The following STK3 variants were observed in gnomAD, a reference collection of about 807,000 sequenced individuals.
The protein encoded by STK3 is serine/threonine-protein kinase 3.
A neutral mutation model predicts 58.0 loss-of-function variants in STK3; 41 were observed. The ratio of observed to expected loss-of-function variants is 0.71; its 90% CI spans 0.55 to 0.92. The LOEUF (loss-of-function observed/expected upper bound fraction) is 0.92. Among genes scored for constraint, STK3 ranks in the 40% least tolerant of loss-of-function variants. The probability of loss-of-function intolerance (pLI) is 0.00; values close to 1 mark genes in which losing one functional copy is unlikely to be tolerated. For missense variants in STK3, 479 were observed against 602.7 expected, an observed-to-expected ratio of 0.79 and a Z score of 2.15; for synonymous variants, 170 against 191.0, an observed-to-expected ratio of 0.89 and a Z score of 0.91.
intron 1 of STK3, chr8:98,782,383 C>A: frequency 4.6e-6 from 1 of 219,156 alleles, no homozygotes; most frequent in Non-Finnish European, 9.5e-6. Context: ...TCTAAAAAGA[C>A]TGATCGCCAC....
At chr8:98,347,088 A>G in the STK3 span, among the ~76,000 whole-genome samples, 15 of 151,998 alleles carry the variant, frequency 9.9e-5, no homozygotes, top group Admixed American at 7.2e-4. Flanking sequence ...TAAAAATGCT[A>G]TAATATCACT....
intron 10 of STK3, among the ~76,000 whole-genome samples, chr8:98,491,205 G>A (rs970074110): frequency 8.0e-4 from 121 of 150,798 alleles, no homozygotes; most frequent in Admixed American, 2.1e-3. Context: ...GAGAGACAGA[G>A]AGAGAGAGAG....
At chr8:98,399,394 C>T (rs140620677), downstream of STK3, among the ~76,000 whole-genome samples, 365 of 152,324 alleles carry the variant, frequency 2.4e-3, 3 homozygotes, top group African/African-American at 8.3e-3. Context: ...TGATCCATAA[C>T]GTATTTCAAG....
intron 3 of STK3, among the ~76,000 whole-genome samples, chr8:98,877,959 C>A (rs1837618305): frequency 6.6e-6 from 1 of 152,092 alleles, no homozygotes; most frequent in South Asian, 2.1e-4. Flanking sequence ...AACAAAGAAA[C>A]CGGCCCCAGA....
chr8:98,741,238 A>C (rs1380439716), intron 4 of STK3, among the ~76,000 whole-genome samples: 4 of 152,256 alleles, frequency 2.6e-5, no homozygotes, highest in Non-Finnish European at 5.9e-5. Context: ...CTGTGTACCA[A>C]GTGGACCTAA....
At chr8:98,820,376 ACCTGCCCT>A in intron 1 of STK3, among the ~76,000 whole-genome samples, 1 of 152,346 alleles carries the variant, frequency 6.6e-6, no homozygotes, top group South Asian at 2.1e-4. Flanking sequence ...TTCAATGCTA[ACCTGCCCT>A]CCAACCATAC....
At chr8:98,367,423 A>G (rs988340629), downstream of STK3, among the ~76,000 whole-genome samples, 1 of 152,206 alleles carries the variant, frequency 6.6e-6, no homozygotes, top group African/African-American at 2.4e-5. Context: ...GGCTCCCAAG[A>G]GCAACAGGAA....
intron 4 of STK3, among the ~76,000 whole-genome samples, chr8:98,742,219 A>T (rs199519162): frequency 1.7e-4 from 26 of 152,034 alleles, no homozygotes; most frequent in African/African-American, 1.9e-4. Context: ...GAATTCTCCC[A>T]AACTCATTTT....
chr8:98,638,779 C>A (rs1038730781), intron 6 of STK3, among the ~76,000 whole-genome samples: 3 of 152,040 alleles, frequency 2.0e-5, no homozygotes, highest in Non-Finnish European at 4.4e-5. Flanking sequence ...AGCATGAGAA[C>A]AGTATTAAGA....
intron 1 of STK3, among the ~76,000 whole-genome samples, chr8:98,387,116 A>G (rs973190970): frequency 6.6e-6 from 1 of 152,228 alleles, no homozygotes; most frequent in African/African-American, 2.4e-5. Flanking sequence ...AGTTATTTCA[A>G]GTGACTTTAA....
chr8:98,808,911 C>T (rs984257559), intron 1 of STK3, among the ~76,000 whole-genome samples: 1 of 152,100 alleles, frequency 6.6e-6, no homozygotes, highest in African/African-American at 2.4e-5. Flanking sequence ...AACTTTCAGC[C>T]CCACCTCCAG....
chr8:98,593,000 G>C (rs914612192), intron 7 of STK3, among the ~76,000 whole-genome samples: 7 of 152,074 alleles, frequency 4.6e-5, no homozygotes, highest in Non-Finnish European at 8.8e-5. Flanking sequence ...CTGATCTCAA[G>C]TGATCCACCT....
intron 6 of STK3, among the ~76,000 whole-genome samples, chr8:98,604,643 T>C (rs1002216123): frequency 1.3e-5 from 2 of 152,210 alleles, no homozygotes; most frequent in African/African-American, 4.8e-5. Flanking sequence ...AAATCTAGGC[T>C]GGGGTTCCCA....
chr8:98,868,604 C>T (rs1174023112), intron 3 of STK3, among the ~76,000 whole-genome samples: 1 of 152,150 alleles, frequency 6.6e-6, no homozygotes, highest in Admixed American at 6.5e-5. Flanking sequence ...AATCATTTAA[C>T]CAAGCATAGT....
intron 3 of STK3, among the ~76,000 whole-genome samples, chr8:98,839,060 G>A (rs1316849977): frequency 3.3e-5 from 5 of 149,616 alleles, no homozygotes; most frequent in African/African-American, 4.9e-5. Flanking sequence ...GGGGGGGGGC[G>A]GTTTGAGACA....
At chr8:98,507,372 T>G (rs1824179937) in intron 10 of STK3, among the ~76,000 whole-genome samples, 1 of 152,182 alleles carries the variant, frequency 6.6e-6, no homozygotes, top group Admixed American at 6.5e-5. Context: ...TTATCCCGGA[T>G]CTTTCATTCT....
rs1164928487 is a variant in STK3 at position 98,428,937 on chromosome 8, G to T, written n.483+5190C>A. The T allele has an allele frequency of 6.2e-7, 1 of 1,614,122 alleles. No homozygotes were observed. Among genetic ancestry groups the T allele is most frequent in the African/African-American group, 1.3e-5 (1 of 75,024 alleles). ...CTCCACTGGCCTCCGCTCCCTGGGG[G>T]CCACTTTGAAATACAGCTACAAAGA... is the stretch of plus-strand genomic sequence containing the variant. On this transcript the variant is annotated intron_variant and non_coding_transcript_variant, in intron 3 of 3. Transcript: ENST00000517832. This position sits in a 1 kb window ranked among gnomAD's most constrained non-coding sequence, Gnocchi z 6.7.
intron 3 of STK3, among the ~76,000 whole-genome samples, chr8:98,848,193 C>A (rs947673884): frequency 6.6e-6 from 1 of 152,064 alleles, no homozygotes; most frequent in Admixed American, 6.6e-5. Flanking sequence ...ACCTAGCACT[C>A]ACCTCTCAAT....
At chr8:98,893,504 G>GAAAGAAAT (rs1838325348) in intron 1 of STK3, among the ~76,000 whole-genome samples, 1 of 120,314 alleles carries the variant, frequency 8.3e-6, no homozygotes, top group African/African-American at 3.2e-5. Flanking sequence ...AAGAAAGAAA[G>GAAAGAAAT]AAAGAAAGAA....
Sources: allele counts gnomAD v4.1 joint callset (sites outside exome capture counted in the v4.1 genomes callset), GRCh38; gene constraint gnomAD v4.1.1; non-coding constraint Gnocchi (gnomAD v3.1); transcripts MANE v1.5; gene names NCBI Gene and HGNC (gene_info 2026-07-23, HGNC 2026-07-21).